Variants in GLI3 observed in about 807,000 individuals in gnomAD.
The protein encoded by GLI3 is transcription activator GLI3.
A neutral mutation model predicts 100.8 loss-of-function variants in GLI3; 20 were observed. The ratio of observed to expected loss-of-function variants is 0.20; its 90% CI spans 0.14 to 0.29. GLI3 has a LOEUF of 0.29. GLI3 is among the 10% of genes least tolerant of loss of function. The probability of loss-of-function intolerance (pLI) is 1.00; values close to 1 mark genes in which losing one functional copy is unlikely to be tolerated. For missense variants in GLI3, 2,040 were observed against 2,128.5 expected (o/e 0.96, Z 0.82); for synonymous variants, 938 against 860.5 (o/e 1.09, Z -1.58).
intron 3 of GLI3, among the ~76,000 whole-genome samples, chr7:42,106,276 T>C (rs1282567577): frequency 6.6e-6 from 1 of 152,226 alleles, no homozygotes; most frequent in Non-Finnish European, 1.5e-5. Context: ...CTGAGCATGC[T>C]CACAGACACC....
chr7:42,219,429 T>C (rs183263093), intron 2 of GLI3, among the ~76,000 whole-genome samples: 387 of 152,322 alleles, frequency 2.5e-3, no homozygotes, highest in African/African-American at 8.5e-3. Flanking sequence ...CTTGCCTTTT[T>C]TTTTTGTCAT....
chr7:42,074,451 G>A (rs1013067971), intron 4 of GLI3, among the ~76,000 whole-genome samples: 4 of 152,184 alleles, frequency 2.6e-5, no homozygotes, highest in Non-Finnish European at 5.9e-5. Context: ...AGCAGTGACC[G>A]TTAACAATAA....
chr7:42,133,937 C>T (rs116738798), intron 3 of GLI3, among the ~76,000 whole-genome samples: 2,418 of 151,916 alleles, frequency 0.016, 71 homozygotes, highest in African/African-American at 0.055. Context: ...CAAAAATTAG[C>T]CGGCGTGGTG....
chr7:42,048,577 T>C lies in GLI3; in HGVS notation c.593A>G (p.Asn198Ser). ...SPFSPPHPYI[N>S]PYMDYIRSLH... ...GGAGCGGATATAGTCCATGTAGGGA[T>C]TAATGTAGGGATGTGGAGGGCTGAA... The change falls in exon 5 of 15, where the codon AAT becomes AGT. Residue 198 changes from asparagine (N) to serine (S), a missense_variant. Coordinates refer to ENST00000395925, the MANE Select transcript of GLI3 (RefSeq NM_000168.6). 6.2e-7 allele frequency: 1 copy of C among 1,611,642 alleles called. No homozygotes were observed. Among genetic ancestry groups the C allele is most frequent in the Non-Finnish European group, 8.5e-7 (1 of 1,179,138 alleles).
At chr7:42,247,141 G>A (rs1417336076) in intron 1 of GLI3, among the ~76,000 whole-genome samples, 1 of 152,130 alleles carries the variant, frequency 6.6e-6, no homozygotes, top group Non-Finnish European at 1.5e-5. Context: ...TTGAACCTGG[G>A]AGGTGGTGGT....
At chr7:42,247,617 AC>A (rs1788989010) in intron 1 of GLI3, among the ~76,000 whole-genome samples, 1 of 152,230 alleles carries the variant, frequency 6.6e-6, no homozygotes, top group Non-Finnish European at 1.5e-5. Flanking sequence ...ATGGTCCAGT[AC>A]TTCATTCTAT....
chr7:42,071,174 G>T (rs1784776938), intron 4 of GLI3, among the ~76,000 whole-genome samples: 1 of 152,152 alleles, frequency 6.6e-6, no homozygotes, highest in Admixed American at 6.5e-5. Context: ...TTCACCCTGA[G>T]AGATGTAATT....
intron 2 of GLI3, among the ~76,000 whole-genome samples, chr7:42,209,985 TGAAAAAAAA>T (rs1562787281): frequency 7.4e-5 from 1 of 13,460 alleles, no homozygotes; most frequent in African/African-American, 2.2e-4. Context: ...TTTAAGAATC[TGAAAAAAAA>T]AAAAAAAAAA....
intron 12 of GLI3, among the ~76,000 whole-genome samples, chr7:41,973,097 C>G (rs1440881635): frequency 1.3e-5 from 2 of 152,214 alleles, no homozygotes; most frequent in Non-Finnish European, 1.5e-5. Context: ...GTTGTGAGAT[C>G]TAATATCACT....
intron 10 of GLI3, among the ~76,000 whole-genome samples, chr7:41,981,506 AAAAG>A (rs1054656238): frequency 1.3e-5 from 2 of 152,346 alleles, no homozygotes; most frequent in African/African-American, 4.8e-5. Context: ...GGCCAGTAAA[AAAAG>A]GGACTCTCAT....
chr7:41,988,534 T>C (rs1380380847), intron 10 of GLI3, among the ~76,000 whole-genome samples: 1 of 150,574 alleles, frequency 6.6e-6, no homozygotes, highest in Non-Finnish European at 1.5e-5. Flanking sequence ...ATGAAAGGGA[T>C]TAGTGACCTT....
intron 1 of GLI3, among the ~76,000 whole-genome samples, chr7:42,249,184 G>T (rs978068152): frequency 6.6e-6 from 1 of 152,062 alleles, no homozygotes; most frequent in African/African-American, 2.4e-5. Context: ...TTATGTAAAA[G>T]ACCACAACTT....
intron 4 of GLI3, among the ~76,000 whole-genome samples, chr7:42,068,991 C>T (rs1202368487): frequency 2.0e-5 from 3 of 152,136 alleles, no homozygotes; most frequent in Non-Finnish European, 4.4e-5. Flanking sequence ...TGAGTGGAAG[C>T]ATTGTACTCA....
chr7:42,163,503 A>C (rs1787175397), intron 2 of GLI3, among the ~76,000 whole-genome samples: 1 of 150,228 alleles, frequency 6.7e-6, no homozygotes, highest in Non-Finnish European at 1.5e-5. Flanking sequence ...ATCTCGGCTC[A>C]CTGCAACCTC....
chr7:42,091,380 C>T (rs990918873), intron 3 of GLI3, among the ~76,000 whole-genome samples: 2 of 152,206 alleles, frequency 1.3e-5, no homozygotes, highest in Non-Finnish European at 2.9e-5. Flanking sequence ...CACTTTGGTC[C>T]CCTTGCCCCA....
intron 3 of GLI3, among the ~76,000 whole-genome samples, chr7:42,125,857 G>C (rs1032052151): frequency 1.3e-5 from 2 of 152,188 alleles, no homozygotes; most frequent in Admixed American, 6.5e-5. Flanking sequence ...CTGCATGTCT[G>C]AGATAACTCA....
At chr7:42,004,100 GGA>G (rs1388932875) in intron 10 of GLI3, among the ~76,000 whole-genome samples, 3 of 152,036 alleles carry the variant, frequency 2.0e-5, no homozygotes, top group Non-Finnish European at 4.4e-5. Flanking sequence ...AAATTTAGGA[GGA>G]GAAAGAAGGG....
intron 3 of GLI3, among the ~76,000 whole-genome samples, chr7:42,132,366 C>G (rs372878061): frequency 6.6e-6 from 1 of 152,160 alleles, no homozygotes; most frequent in African/African-American, 2.4e-5. Flanking sequence ...TCCCAAAGTG[C>G]TGGGATTACA....
At chr7:42,112,374 A>G (rs1301568939) in intron 3 of GLI3, among the ~76,000 whole-genome samples, 1 of 152,190 alleles carries the variant, frequency 6.6e-6, no homozygotes, top group Non-Finnish European at 1.5e-5. Flanking sequence ...GAGCAAAAAC[A>G]CAGCTAGATA....
Sources: allele counts gnomAD v4.1 joint callset (sites outside exome capture counted in the v4.1 genomes callset), GRCh38; gene constraint gnomAD v4.1.1; transcripts MANE v1.5; gene names NCBI Gene and HGNC (gene_info 2026-07-23, HGNC 2026-07-21).